Variants in BRD9 observed in about 807,000 individuals in gnomAD.
BRD9 encodes the protein bromodomain-containing protein 9.
Under a neutral mutation model 68.7 loss-of-function variants are expected in BRD9, and 47 were observed. The ratio of observed to expected loss-of-function variants is 0.68; its 90% CI spans 0.54 to 0.87. BRD9 has a LOEUF of 0.87. Among genes scored for constraint, BRD9 ranks in the 40% least tolerant of loss-of-function variants. The pLI is 0.00. For missense variants in BRD9, 670 were observed against 748.4 expected (o/e 0.90, Z 1.22); for synonymous variants, 313 against 293.9 (o/e 1.06, Z -0.67).
chr5:891,201 CA>C lies in BRD9; in HGVS notation c.353del (p.Val118GlyfsTer58). The C allele has an allele frequency of 6.4e-7, 1 of 1,551,912 alleles. No individual in the cohort carries two copies. Among genetic ancestry groups the C allele is most frequent in the African/African-American group, 1.4e-5 (1 of 73,192 alleles). ...GGACTGGCCGATCTGGGGGCGGCTC[CA>C]CCTCCACCTTCTTCCCAGGATCAAA... ...DDFDPGKKVE[V>X]EPPPDRPVRA... On this transcript the variant is annotated frameshift_variant, in exon 3 of 16. Transcript: ENST00000467963. LOFTEE classifies it high-confidence loss of function.
In BRD9 at chr5:876,112, GGAAGAGC is replaced by G; in HGVS notation, c.1365_1371del (p.Leu456SerfsTer2). The G allele has an allele frequency of 6.2e-7, 1 of 1,611,988 alleles. No individual in the cohort carries two copies. The highest frequency in any genetic ancestry group is 8.5e-7 in the Non-Finnish European group (1 of 1,179,092). ...CGAGTGCAGCCCACCTGCTTCAGCT[GGAAGAGC>G]GTCCTAGAGTGGTCTCCGCCTGTGA... On this transcript the variant is annotated frameshift_variant, in exon 12 of 16. Coordinates refer to ENST00000467963, the MANE Select transcript of BRD9 (RefSeq NM_023924.5). LOFTEE classifies it high-confidence loss of function.
intron 14 of BRD9, chr5:865,913 GTCC>G (rs1321503288): frequency 4.3e-6 from 1 of 231,154 alleles, no homozygotes; most frequent in Admixed American, 5.7e-5. Context: ...GTGGGCTCCT[GTCC>G]TCAACACACA....
In BRD9 at chr5:870,593, C is replaced by A. The variant is rs762655008; in HGVS notation, c.1423-18G>T. The A allele has an allele frequency of 5.1e-6, 8 of 1,556,242 alleles. No individual in the cohort carries two copies. In the South Asian group the frequency reaches 6.8e-5, roughly 13 times the overall value. On this transcript the variant is annotated intron_variant, in intron 13 of 15. Transcript: ENST00000467963. Reference sequence around the variant, plus strand: ...TCCCCAACCTGTGGAGACAGACACACATCAAGAGCAATTCAAACATCAAAC... The same window carrying A: ...TCCCCAACCTGTGGAGACAGACACAAATCAAGAGCAATTCAAACATCAAAC...
chr5:891,077 A>C lies in BRD9; in HGVS notation c.400+78T>G, dbSNP rs986069556. The C allele has an allele frequency of 2.7e-6, 4 of 1,456,144 alleles. No homozygotes were observed. The African/African-American group carries it at 4.3e-5, about 16-fold the overall frequency. 90.2% of individuals were successfully genotyped at this position (1,456,144 alleles called of 1,614,324 possible). ...TCCCTCCCATGCTTCTCCCCAAAGCAACAGGACACGGTGCCGACCCCTCAT... is the reference window on the plus strand; with the variant it reads ...TCCCTCCCATGCTTCTCCCCAAAGCCACAGGACACGGTGCCGACCCCTCAT... On this transcript the variant is annotated intron_variant, in intron 3 of 15. Coordinates refer to ENST00000467963, the MANE Select transcript of BRD9 (RefSeq NM_023924.5).
At chr5:889,199 T>C (rs761266622) in intron 4 of BRD9, 34 bp from the exon 5 acceptor site, 24 of 1,592,126 alleles carry the variant, frequency 1.5e-5, no homozygotes, top group African/African-American at 2.7e-5. Flanking sequence ...CGGAAAAATC[T>C]AGATTTCTAA....
chr5:878,130 A>G (rs181460785), intron 11 of BRD9, among the ~76,000 whole-genome samples: 8 of 152,300 alleles, frequency 5.3e-5, no homozygotes, highest in African/African-American at 1.9e-4. Context: ...CCCCTTCACA[A>G]GCTACGCCCT....
In BRD9 at chr5:881,175, T is replaced by A. The variant is rs369406742; in HGVS notation, c.974A>T (p.Tyr325Phe). 1.9e-6 allele frequency: 3 copies of A among 1,614,002 alleles called. No individual in the cohort carries two copies. Among genetic ancestry groups the A allele is most frequent in the South Asian group, 1.1e-5 (1 of 91,080 alleles). ...NRFLPGGKMGYLKRNGDGSLL... is the reference protein window; with the variant it reads ...NRFLPGGKMGFLKRNGDGSLL... ...GCTCCCGTCCCCGTTCCTCTTCAGA[T>A]AGCCCATCTGGAAGGAAGCACTGCC... The change falls in exon 9 of 16, where the codon TAT (tyrosine) becomes TTT (phenylalanine). Residue 325 changes from tyrosine (Y) to phenylalanine (F), a missense_variant. Around this residue, in one of 5 missense-constraint regions of BRD9, gnomAD observed 135 missense variants for 141.2 expected, o/e 0.96. Transcript: ENST00000467963.
In BRD9 at chr5:891,237, C is replaced by T. The variant is rs1235616367; in HGVS notation, c.318G>A (p.Glu106=). The change falls in exon 3 of 16, where the codon GAG becomes GAA. Residue 106 remains glutamate (E), a synonymous_variant. Transcript: ENST00000467963. ...TCTTCCCAGGATCAAAGTCGTCAGC[C>T]TCTCCCTCCGTGTCACAGTGCTCCC... ...REREHCDTEG[E]ADDFDPGKKV... is the part of the protein sequence containing the mutation. The T allele has an allele frequency of 6.4e-7, 1 of 1,551,826 alleles. No homozygotes were observed. Among genetic ancestry groups the T allele is most frequent in the African/African-American group, 1.4e-5 (1 of 73,054 alleles).
At chr5:871,353 C>T (rs921031981) in intron 13 of BRD9, among the ~76,000 whole-genome samples, 173 bp downstream of exon 13, 1 of 152,240 alleles carries the variant, frequency 6.6e-6, no homozygotes, top group Non-Finnish European at 1.5e-5. Context: ...GGCTTCACAC[C>T]ACTCACCTCA....
Position 892,710 on chromosome 5 carries a change from T to G in BRD9, c.-53A>C. 7.6e-7 allele frequency: 1 copy of G among 1,323,814 alleles called. No individual in the cohort carries two copies. The highest frequency in any genetic ancestry group is 9.7e-7 in the Non-Finnish European group (1 of 1,034,318). The allele number at this position is 1,323,814 out of a possible 1,614,324, so 82.0% of individuals were successfully genotyped here. A position where few individuals can be genotyped will look rare whatever the true frequency, so the allele number is the denominator to read the frequency against. ...GGGGCTGGGAACAGCTGGCACCCGG[T>G]CGGACCTTGGCCGCCACCGCCCCCT... On this transcript the variant is annotated 5_prime_UTR_variant, in exon 1 of 16. Coordinates refer to ENST00000467963, the MANE Select transcript of BRD9 (RefSeq NM_023924.5).
intron 9 of BRD9, 103 bp downstream of exon 9, chr5:881,004 T>C: frequency 2.5e-6 from 3 of 1,218,844 alleles, no homozygotes; most frequent in Non-Finnish European, 3.5e-6. Flanking sequence ...CAGCCTCTCA[T>C]GCTGCCCCAT....
chr5:891,571 G>T, intron 2 of BRD9, 69 bp downstream of exon 2: 1 of 1,520,588 alleles, frequency 6.6e-7, no homozygotes, highest in East Asian at 2.5e-5. Context: ...ACTCTGCCTG[G>T]GTCCTGGGAC....
At chr5:891,086 C>T (rs1753296135) in intron 3 of BRD9, 69 bp downstream of exon 3, 4 of 1,469,554 alleles carry the variant, frequency 2.7e-6, no homozygotes, top group Non-Finnish European at 1.8e-6. Context: ...CAACAGGACA[C>T]GGTGCCGACC....
In BRD9 at chr5:891,221, G is replaced by A; in HGVS notation, c.334C>T (p.Pro112Ser). Residue 112 changes from proline (P) to serine (S), a missense_variant, in exon 3 of 16, where the codon CCT becomes TCT. Physicochemically the swap from Pro to Ser is moderately conservative, Grantham distance 74 (BLOSUM62 -1). Transcript: ENST00000467963. Reference sequence around the variant, plus strand: ...GGCTCCACCTCCACCTTCTTCCCAGGATCAAAGTCGTCAGCCTCTCCCTCC... The same window carrying A: ...GGCTCCACCTCCACCTTCTTCCCAGAATCAAAGTCGTCAGCCTCTCCCTCC... ...DTEGEADDFD[P>S]GKKVEVEPPP... The A allele has an allele frequency of 1.9e-6, 3 of 1,551,872 alleles. No individual in the cohort carries two copies. The highest frequency in any genetic ancestry group is 1.2e-5 in the South Asian group (1 of 84,058).
intron 12 of BRD9, 47 bp from the exon 13 acceptor site, chr5:871,611 A>G: frequency 2.6e-6 from 4 of 1,562,230 alleles, no homozygotes; most frequent in Non-Finnish European, 3.5e-6. Context: ...GAGTGATTTC[A>G]TAGAAACGGA....
At chr5:889,757 C>T (rs748140179) in intron 3 of BRD9, 110 bp from the exon 4 acceptor site, 1 of 1,545,350 alleles carries the variant, frequency 6.5e-7, no homozygotes, top group African/African-American at 1.4e-5. Context: ...ATTTTAAGTT[C>T]CACCGAGAAC....
intron 5 of BRD9, chr5:888,536 G>A (rs1752894137): frequency 6.6e-6 from 1 of 152,392 alleles, no homozygotes; most frequent in Non-Finnish European, 1.5e-5. Context: ...TTCTTCCCCT[G>A]GGTTGCAAAA....
chr5:870,681 ACCCACC>A, intron 13 of BRD9, 106 bp from the exon 14 acceptor site: 1 of 776,848 alleles, frequency 1.3e-6, no homozygotes, highest in Non-Finnish European at 2.1e-6. Flanking sequence ...CTAAACGTGA[ACCCACC>A]CCTCAGTAAG....
At position 864,567 on chromosome 5, in the gene BRD9, T is replaced by A; in HGVS notation, c.1695A>T (p.Gly565=). The change falls in exon 16 of 16, where the codon GGA becomes GGT. Residue 565 remains glycine, a splice_region_variant and synonymous_variant. Transcript: ENST00000467963. ...NASERDQHHL[G]SPSRLSVGEQ... Reference sequence around the variant, plus strand: ...CCCCGACACTCAGGCGAGAAGGGCTTCCTGCAATTTTCAGAACACAGGACT... The same window carrying A: ...CCCCGACACTCAGGCGAGAAGGGCTACCTGCAATTTTCAGAACACAGGACT... 6.2e-7 allele frequency: 1 copy of A among 1,613,378 alleles called. No homozygotes were observed. The highest frequency in any genetic ancestry group is 1.1e-5 in the South Asian group (1 of 91,062).
Sources: allele counts gnomAD v4.1 joint callset (sites outside exome capture counted in the v4.1 genomes callset), GRCh38; gene constraint gnomAD v4.1.1; regional missense constraint gnomAD v4.1.1; transcripts MANE v1.5; gene names NCBI Gene and HGNC (gene_info 2026-07-23, HGNC 2026-07-21).